Variants in TXNDC16 observed in about 807,000 individuals in gnomAD.
TXNDC16 encodes the protein thioredoxin domain-containing protein 16.
A neutral mutation model predicts 85.6 loss-of-function variants in TXNDC16; 74 were observed. That is an observed-to-expected ratio of 0.86 (90% CI 0.72 to 1.05). The LOEUF is 1.05. TXNDC16 is among the 50% of genes least tolerant of loss of function. The pLI, the probability that TXNDC16 is intolerant of heterozygous loss-of-function variation, is 0.00. For synonymous variants in TXNDC16, 335 were observed against 326.5 expected (o/e 1.03, Z -0.28); for missense variants, 959 against 947.0 (o/e 1.01, Z -0.17).
chr14:52,449,913 C>T (rs954024654), intron 18 of TXNDC16, among the ~76,000 whole-genome samples: 24 of 151,452 alleles, frequency 1.6e-4, no homozygotes, highest in African/African-American at 5.3e-4. Context: ...AAAAACCATA[C>T]CCAAACCCTT....
chr14:52,505,730 G>C (rs541877257), intron 9 of TXNDC16, among the ~76,000 whole-genome samples: 1 of 152,138 alleles, frequency 6.6e-6, no homozygotes, highest in East Asian at 1.9e-4. Flanking sequence ...CAGCAGAGCA[G>C]AACTGAAGGA....
chr14:52,491,603 T>TAA (rs201998387), intron 9 of TXNDC16, among the ~76,000 whole-genome samples: 1 of 100,028 alleles, frequency 1.0e-5, no homozygotes, highest in Non-Finnish European at 1.9e-5. Context: ...AAACAATAAA[T>TAA]AAGTGTGGGA....
At chr14:52,493,131 A>T (rs2036446052) in intron 9 of TXNDC16, among the ~76,000 whole-genome samples, 1 of 150,916 alleles carries the variant, frequency 6.6e-6, no homozygotes, top group South Asian at 2.1e-4. Context: ...TAAAGAAAAA[A>T]TTATATAAAA....
Position 52,482,879 on chromosome 14 carries a change from C to A in TXNDC16, c.1195G>T (p.Glu399Ter). 1 of 1,612,400 alleles carries A rather than the reference C, an allele frequency of 6.2e-7. No homozygotes were observed. The highest frequency in any genetic ancestry group is 8.5e-7 in the Non-Finnish European group (1 of 1,179,450). The change falls in exon 13 of 21, where the codon GAA (glutamate) becomes TAA (stop). Residue 399 changes from glutamate (E) to a stop codon, truncating the protein, a stop_gained. Transcript: ENST00000281741. LOFTEE classifies it high-confidence loss of function. ...PLELTVELTE[E>*]TFNATVMASD... is the part of the protein sequence containing the mutation. ...GCCATCACTGTTGCATTAAATGTTT[C>A]TTCTGTTAGTTCCACTGTAAGTTCC... is the stretch of plus-strand genomic sequence containing the variant.
chr14:52,503,004 C>G (rs1441529726), intron 9 of TXNDC16, among the ~76,000 whole-genome samples: 1 of 152,172 alleles, frequency 6.6e-6, no homozygotes, highest in Non-Finnish European at 1.5e-5. Flanking sequence ...TGAGATCAAA[C>G]TGCAAGGTGG....
intron 14 of TXNDC16, among the ~76,000 whole-genome samples, chr14:52,475,416 C>T (rs553031912): frequency 6.6e-6 from 1 of 152,246 alleles, no homozygotes; most frequent in Non-Finnish European, 1.5e-5. Context: ...AGGCAGGTAG[C>T]CTGGGGCAGG....
intron 9 of TXNDC16, among the ~76,000 whole-genome samples, chr14:52,494,688 T>G (rs1167424929): frequency 6.6e-6 from 1 of 152,202 alleles, no homozygotes. Flanking sequence ...AAATGGGGCT[T>G]TATTGTGTAA....
At chr14:52,446,146 C>G (rs781385) in intron 18 of TXNDC16, among the ~76,000 whole-genome samples, 266 of 152,182 alleles carry the variant, frequency 1.7e-3, no homozygotes, top group African/African-American at 6.0e-3. Context: ...AACTTTATAT[C>G]GCTCAAAGAG....
At chr14:52,521,136 G>A (rs913466981) in intron 6 of TXNDC16, among the ~76,000 whole-genome samples, 5 of 151,104 alleles carry the variant, frequency 3.3e-5, no homozygotes, top group South Asian at 2.1e-4. Context: ...TTTTTGAGAC[G>A]AAGTCTTGCT....
rs1555338807 is a variant in TXNDC16 at position 52,498,432 on chromosome 14, C to CACAT, written c.757-7428_757-7427insATGT. On this transcript the variant is annotated intron_variant, in intron 9 of 20. Coordinates refer to ENST00000281741, the MANE Select transcript of TXNDC16 (RefSeq NM_020784.3). ...ACACACACACACACACACACACACA[C>CACAT]ACACACTCACACACACCAGAAAACC... 5.2e-4 allele frequency among the ~76,000 whole-genome samples: 79 copies of CACAT among 151,596 alleles called. 8 individuals are homozygous for CACAT. Among genetic ancestry groups the CACAT allele is most frequent in the African/African-American group, 1.9e-3 (78 of 41,156 alleles).
At chr14:52,514,675 A>G (rs2037036904) in intron 8 of TXNDC16, among the ~76,000 whole-genome samples, 1 of 152,108 alleles carries the variant, frequency 6.6e-6, no homozygotes, top group African/African-American at 2.4e-5. Flanking sequence ...TTAGTCTAAC[A>G]TCACTTCGGT....
chr14:52,548,127 A>G (rs1322096036), intron 1 of TXNDC16, among the ~76,000 whole-genome samples: 2 of 152,240 alleles, frequency 1.3e-5, no homozygotes, highest in Admixed American at 1.3e-4. Flanking sequence ...AGAGAACACC[A>G]TAGGGGAAAG....
At chr14:52,546,201 C>A (rs747143760) in intron 1 of TXNDC16, among the ~76,000 whole-genome samples, 6 of 151,962 alleles carry the variant, frequency 3.9e-5, no homozygotes, top group Admixed American at 6.6e-5. Flanking sequence ...TCGGGAGGAT[C>A]GTGATTGAGG....
At chr14:52,532,674 G>A (rs1594760677) in intron 6 of TXNDC16, among the ~76,000 whole-genome samples, 1 of 152,018 alleles carries the variant, frequency 6.6e-6, no homozygotes, top group African/African-American at 2.4e-5. Flanking sequence ...CTGACCTCGT[G>A]ATCTGCCCAC....
At chr14:52,551,552 G>A (rs2038048822) in intron 1 of TXNDC16, among the ~76,000 whole-genome samples, 1 of 151,496 alleles carries the variant, frequency 6.6e-6, no homozygotes, top group South Asian at 2.1e-4. Context: ...AATAAACGTA[G>A]CAATGTCTTT....
intron 16 of TXNDC16, among the ~76,000 whole-genome samples, chr14:52,465,821 G>C (rs1359714223): frequency 6.6e-6 from 1 of 152,142 alleles, no homozygotes; most frequent in Non-Finnish European, 1.5e-5. Flanking sequence ...TGTAGTTTAT[G>C]CTGCCATGTA....
At chr14:52,459,156 TA>T (rs1385590104) in intron 16 of TXNDC16, among the ~76,000 whole-genome samples, 1 of 152,192 alleles carries the variant, frequency 6.6e-6, no homozygotes, top group African/African-American at 2.4e-5. Flanking sequence ...TATTTAGCAA[TA>T]TTATTTTTTC....
chr14:52,499,609 CA>C (rs201990030), intron 9 of TXNDC16, among the ~76,000 whole-genome samples: 7,767 of 126,650 alleles, frequency 0.061, 236 homozygotes, highest in Middle Eastern at 0.093. Context: ...TGGCCACTAT[CA>C]AAAAAAAAAA....
chr14:52,450,558 G>A (rs1406243674), intron 18 of TXNDC16, among the ~76,000 whole-genome samples: 2 of 150,906 alleles, frequency 1.3e-5, no homozygotes, highest in Non-Finnish European at 1.5e-5. Flanking sequence ...AATCAAAACC[G>A]CAATGCAATT....
Sources: gnomAD v4.1 joint callset for allele counts (sites outside exome capture counted in the v4.1 genomes callset) on GRCh38, gnomAD v4.1.1 for gene constraint, MANE v1.5 for transcripts, NCBI Gene and HGNC (gene_info 2026-07-23, HGNC 2026-07-21) for gene names.